Variants in DES observed in about 807,000 individuals in gnomAD.
The protein encoded by DES is desmin, also known as cardiomyopathy, dilated 1F (autosomal dominant).
A neutral mutation model predicts 55.1 loss-of-function variants in DES; 34 were observed. That is an observed-to-expected ratio of 0.62 (90% CI 0.47 to 0.82). The LOEUF (loss-of-function observed/expected upper bound fraction) is 0.82, where lower values mean the gene tolerates loss of function less well. DES is among the 40% of genes least tolerant of loss of function. DES has a pLI of 0.00. For missense variants in DES, 596 were observed against 645.9 expected (o/e 0.92, Z 0.84); for synonymous variants, 259 against 270.8 (o/e 0.96, Z 0.43).
rs1352112807 is a variant in DES, at chr2:219,418,447, C to T, written c.-16C>T. 1.9e-6 allele frequency: 3 copies of T among 1,574,192 alleles called. No individual in the cohort carries two copies. Among genetic ancestry groups the T allele is most frequent in the Non-Finnish European group, 2.6e-6 (3 of 1,169,066 alleles). ...GCCTCCTCCGTGCGCCCGCCAGCCT[C>T]GCCCGCGCCGTCACCATGAGCCAGG... is the stretch of plus-strand genomic sequence containing the variant. On this transcript the variant is annotated 5_prime_UTR_variant, in exon 1 of 9. Transcript: ENST00000373960.
chr2:219,419,135 C>G lies in DES; in HGVS notation c.578+95C>G. On this transcript the variant is annotated intron_variant, in intron 1 of 8. Coordinates refer to ENST00000373960, the MANE Select transcript of DES (RefSeq NM_001927.4). The surrounding 1 kb of genome is among the most constrained non-coding windows in gnomAD (Gnocchi z 4.3). ...GTCCCGCTGTCAGCACCTGCCTTCT[C>G]CCGGGGCCCGGGACCCTCTCCTGCC... The G allele has an allele frequency of 1.3e-6, 2 of 1,530,028 alleles. No individual in the cohort carries two copies. Among genetic ancestry groups the G allele is most frequent in the South Asian group, 1.2e-5 (1 of 83,286 alleles). The allele number at this position is 1,530,028 out of a possible 1,614,324, so 94.8% of individuals were successfully genotyped here. A position where few individuals can be genotyped will look rare whatever the true frequency, so the allele number is the denominator to read the frequency against.
rs1194127328 is a variant in DES, at chr2:219,426,713, C to T, written c.*723C>T. On this transcript the variant is annotated 3_prime_UTR_variant, in exon 9 of 9. Transcript: ENST00000373960. This position sits in a 1 kb window ranked among gnomAD's most constrained non-coding sequence, Gnocchi z 4.5. ...CTGCTGCAGGGGCTCTGGAGAGAAA[C>T]AATAAAGAGATTCACACACAAGCCA... The T allele has an allele frequency of 6.5e-6, 1 of 154,822 alleles. No homozygotes were observed. Among genetic ancestry groups the T allele is most frequent in the Non-Finnish European group, 1.4e-5 (1 of 69,734 alleles). 9.6% of individuals were successfully genotyped at this position (154,822 alleles called of 1,614,324 possible). A position where few individuals can be genotyped will look rare whatever the true frequency, so the allele number is the denominator to read the frequency against.
At position 219,423,763 on chromosome 2, in the gene DES, C is replaced by T. The variant is rs1055870264; in HGVS notation, c.1245-14C>T. 1 of 1,613,630 alleles carries T rather than the reference C, an allele frequency of 6.2e-7. No homozygotes were observed. Among genetic ancestry groups the T allele is most frequent in the South Asian group, 1.1e-5 (1 of 91,074 alleles). Reference sequence around the variant, plus strand: ...GTTCTTAACTCTTAGGAGGTTTTGTCTCTTCCCTTTTAGGATCAATCTCCC... The same window carrying T: ...GTTCTTAACTCTTAGGAGGTTTTGTTTCTTCCCTTTTAGGATCAATCTCCC... On this transcript the variant is annotated splice_polypyrimidine_tract_variant and intron_variant, in intron 6 of 8. Transcript: ENST00000373960.
Position 219,418,906 on chromosome 2 carries a change from G to A in DES, c.444G>A (p.Pro148=), listed in dbSNP as rs767505861. 8 of 1,563,486 alleles carry A rather than the reference G, an allele frequency of 5.1e-6. No individual in the cohort carries two copies. The highest frequency in any genetic ancestry group is 6.9e-6 in the Non-Finnish European group (8 of 1,153,938). Residue 148 remains proline, a synonymous_variant, in exon 1 of 9, where the codon CCG becomes CCA. Transcript: ENST00000373960. ...AEVNRLKGRE[P]TRVAELYEEE... Reference sequence around the variant, plus strand: ...TGAACCGGCTCAAGGGCCGCGAGCCGACGCGAGTGGCCGAGCTCTACGAGG... The same window carrying A: ...TGAACCGGCTCAAGGGCCGCGAGCCAACGCGAGTGGCCGAGCTCTACGAGG...
chr2:219,421,957 C>T lies in DES; in HGVS notation c.1244+397C>T, dbSNP rs962611942. On this transcript the variant is annotated intron_variant, in intron 6 of 8. Transcript: ENST00000373960. Reference sequence around the variant, plus strand: ...CTGGGATTACAGGCGTGAGCCACCGCACCCGGCGTGGAAACAATTTTATAC... The same window carrying T: ...CTGGGATTACAGGCGTGAGCCACCGTACCCGGCGTGGAAACAATTTTATAC... Among the ~76,000 whole-genome samples the T allele has an allele frequency of 1.5e-4, 23 of 152,122 alleles. No individual in the cohort carries two copies. In the South Asian group the frequency reaches 4.1e-3, roughly 27 times the overall value.
In DES at chr2:219,420,386, G is replaced by C. The variant is rs760040846; in HGVS notation, c.735+40G>C. ...CTCTTCCTGGGGTCACTGGGCCATG[G>C]GGAAAGCAGCCGGAAAGTGGGGTTG... On this transcript the variant is annotated intron_variant, in intron 3 of 8. Coordinates refer to ENST00000373960, the MANE Select transcript of DES (RefSeq NM_001927.4). The surrounding 1 kb of genome is among the most constrained non-coding windows in gnomAD (Gnocchi z 6.0). The C allele has an allele frequency of 1.2e-6, 2 of 1,612,854 alleles. No individual in the cohort carries two copies. The highest frequency in any genetic ancestry group is 1.3e-5 in the African/African-American group (1 of 75,022).
chr2:219,423,861 C>T (rs766804205), intron 7 of DES, 41 bp downstream of exon 7: 14 of 1,608,692 alleles, frequency 8.7e-6, no homozygotes, highest in Non-Finnish European at 1.2e-5. Context: ...GTTGCAGGGG[C>T]CAGGAGTCCA....
Position 219,420,688 on chromosome 2 carries a change from C to T in DES, c.897+32C>T, listed in dbSNP as rs200300865. ...GGCCTCGCCCGGGGACTGGCATCTC[C>T]GTCCCCCTGAATCCCAGCTTGGATG... On this transcript the variant is annotated intron_variant, in intron 4 of 8. Transcript: ENST00000373960. This position sits in a 1 kb window ranked among gnomAD's most constrained non-coding sequence, Gnocchi z 6.0. 427 of 1,613,826 alleles carry T rather than the reference C, an allele frequency of 2.6e-4. 1 individual carries two copies. The highest frequency in any genetic ancestry group is 2.3e-4 in the Non-Finnish European group (269 of 1,179,896).
Position 219,425,942 on chromosome 2 carries a change from T to G in DES, c.1372-7T>G, listed in dbSNP as rs889499879. On this transcript the variant is annotated splice_polypyrimidine_tract_variant and splice_region_variant and intron_variant, in intron 8 of 8. Coordinates refer to ENST00000373960, the MANE Select transcript of DES (RefSeq NM_001927.4). ...CATGGTTGGACTGGGCTTCTCTTCC[T>G]CCCCAGGTCGTCAGTGAGGCCACAC... is the stretch of plus-strand genomic sequence containing the variant. 2 of 1,613,750 alleles carry G rather than the reference T, an allele frequency of 1.2e-6. No homozygotes were observed. Among genetic ancestry groups the G allele is most frequent in the Non-Finnish European group, 1.7e-6 (2 of 1,179,980 alleles).
Position 219,418,810 on chromosome 2 carries a change from T to C in DES, c.348T>C (p.Asn116=), listed in dbSNP as rs766333303. 9 of 1,575,110 alleles carry C rather than the reference T, an allele frequency of 5.7e-6. No individual in the cohort carries two copies. The East Asian group carries it at 1.4e-4, about 24-fold the overall frequency. ...TNEKVELQEL[N]DRFANYIEKV... Reference sequence around the variant, plus strand: ...AGAAGGTGGAGCTGCAGGAGCTCAATGACCGCTTCGCCAACTACATCGAGA... The same window carrying C: ...AGAAGGTGGAGCTGCAGGAGCTCAACGACCGCTTCGCCAACTACATCGAGA... The change falls in exon 1 of 9, where the codon AAT becomes AAC. Residue 116 remains asparagine (N), a synonymous_variant. Coordinates refer to ENST00000373960, the MANE Select transcript of DES (RefSeq NM_001927.4).
Position 219,419,513 on chromosome 2 carries a change from G to A in DES, c.578+473G>A, listed in dbSNP as rs1013853559. ...CAGCTCAGCTGTGATGAGGCCCTGG[G>A]GGAGGTGGGGGGAGGGGGGAGCTTG... On this transcript the variant is annotated intron_variant, in intron 1 of 8. Transcript: ENST00000373960. This position sits in a 1 kb window ranked among gnomAD's most constrained non-coding sequence, Gnocchi z 4.3. 2.0e-5 allele frequency among the ~76,000 whole-genome samples: 3 copies of A among 152,208 alleles called. No homozygotes were observed. The highest frequency in any genetic ancestry group is 7.2e-5 in the African/African-American group (3 of 41,510).
Position 219,420,345 on chromosome 2 carries a change from A to T in DES, c.734A>T (p.Glu245Val). 1 of 1,613,908 alleles carries T rather than the reference A, an allele frequency of 6.2e-7. No homozygotes were observed. Among genetic ancestry groups the T allele is most frequent in the Non-Finnish European group, 8.5e-7 (1 of 1,180,008 alleles). The part of the protein sequence containing the change: ...EIAFLKKVHE[E>V]EIRELQAQLQ... Reference sequence around the variant, plus strand: ...GCGTTCCTTAAGAAAGTGCATGAAGAGGTATACCTTGGCCCCTCTTCCTGG... The same window carrying T: ...GCGTTCCTTAAGAAAGTGCATGAAGTGGTATACCTTGGCCCCTCTTCCTGG... Residue 245 changes from glutamate to valine, a missense_variant and splice_region_variant, in exon 3 of 9, where the codon GAG becomes GTG. Coordinates refer to ENST00000373960, the MANE Select transcript of DES (RefSeq NM_001927.4). The surrounding 1 kb of genome is among the most constrained non-coding windows in gnomAD (Gnocchi z 6.0).
At position 219,421,697 on chromosome 2, in the gene DES, G is replaced by A. The variant is rs141954691; in HGVS notation, c.1244+137G>A. 8.0e-3 allele frequency: 6,083 copies of A among 762,792 alleles called. 37 individuals carry two copies. Among genetic ancestry groups the A allele is most frequent in the Non-Finnish European group, 0.01 (5,009 of 484,330 alleles). 47.3% of individuals were successfully genotyped at this position (762,792 alleles called of 1,614,324 possible). The stretch of plus-strand genomic sequence containing the variant: ...TTTTTTTTTTTTGAGATGGAGTTTC[G>A]CTCTTGTCGCCCAGTCTGGAGTGCA... On this transcript the variant is annotated intron_variant, in intron 6 of 8. Transcript: ENST00000373960.
chr2:219,423,396 C>G (rs539751855), intron 6 of DES, among the ~76,000 whole-genome samples: 2 of 151,272 alleles, frequency 1.3e-5, no homozygotes, highest in African/African-American at 2.4e-5. Context: ...TAGAAAGGAC[C>G]AGGGTGAGCC....
In DES at chr2:219,419,554, C is replaced by T. The variant is rs1002162616; in HGVS notation, c.578+514C>T. On this transcript the variant is annotated intron_variant, in intron 1 of 8. Coordinates refer to ENST00000373960, the MANE Select transcript of DES (RefSeq NM_001927.4). The surrounding 1 kb of genome is among the most constrained non-coding windows in gnomAD (Gnocchi z 4.3). ...GGGGAGCTTGGCCCTGGGGCCTTGC[C>T]GAGACTGTGTCTTTTTACAAGGTGA... Among the ~76,000 whole-genome samples, 29 of 151,888 alleles carry T rather than the reference C, an allele frequency of 1.9e-4. No homozygotes were observed. The East Asian group carries it at 5.2e-3, about 27-fold the overall frequency.
Position 219,420,674 on chromosome 2 carries a change from G to T in DES, c.897+18G>T. ...AGTCGAAGGTGGGTGGCCTCGCCCG[G>T]GGACTGGCATCTCCGTCCCCCTGAA... On this transcript the variant is annotated intron_variant, in intron 4 of 8. Transcript: ENST00000373960. The surrounding 1 kb of genome is among the most constrained non-coding windows in gnomAD (Gnocchi z 6.0). 1 of 1,613,958 alleles carries T rather than the reference G, an allele frequency of 6.2e-7. No homozygotes were observed. Among genetic ancestry groups the T allele is most frequent in the South Asian group, 1.1e-5 (1 of 91,050 alleles).
intron 8 of DES, 41 bp from the exon 9 acceptor site, chr2:219,425,908 T>C (rs1954526463): frequency 6.2e-7 from 1 of 1,613,614 alleles, no homozygotes; most frequent in African/African-American, 1.3e-5. Flanking sequence ...CTCCATTCTC[T>C]GGCTAGCACA....
rs763753066 is a variant in DES at position 219,420,454 on chromosome 2, T to G, written c.736-41T>G. 1 of 1,613,770 alleles carries G rather than the reference T, an allele frequency of 6.2e-7. No homozygotes were observed. Among genetic ancestry groups the G allele is most frequent in the African/African-American group, 1.3e-5 (1 of 75,004 alleles). On this transcript the variant is annotated intron_variant, in intron 3 of 8. Transcript: ENST00000373960. This position sits in a 1 kb window ranked among gnomAD's most constrained non-coding sequence, Gnocchi z 6.0. ...GGAATAGGGGTGTGAGGGTGCTGTG[T>G]GGGCCCTGAGAGGGGACTGAAGCCC...
rs113470975 is a variant in DES at position 219,425,896 on chromosome 2, G to A, written c.1372-53G>A. ...TGGGGTGGGGATGGCTCAGGGCTGA[G>A]GCTCCATTCTCTGGCTAGCACATGG... On this transcript the variant is annotated intron_variant, in intron 8 of 8. Coordinates refer to ENST00000373960, the MANE Select transcript of DES (RefSeq NM_001927.4). 4,567 of 1,612,620 alleles carry A rather than the reference G, an allele frequency of 2.8e-3. 57 individuals are homozygous for A. The African/African-American group carries it at 0.033, about 12-fold the overall frequency.
Sources: gnomAD v4.1 joint callset for allele counts (sites outside exome capture counted in the v4.1 genomes callset) on GRCh38, gnomAD v4.1.1 for gene constraint, Gnocchi (gnomAD v3.1) non-coding constraint, MANE v1.5 for transcripts, NCBI Gene and HGNC (gene_info 2026-07-23, HGNC 2026-07-21) for gene names.